Variants in OTUD7B observed in about 807,000 individuals in gnomAD.
The protein encoded by OTUD7B is OTU deubiquitinase 7B.
Under a neutral mutation model 82.2 loss-of-function variants are expected in OTUD7B, and 34 were observed. That is an observed-to-expected ratio of 0.41 (90% CI 0.31 to 0.55). The LOEUF is 0.55. Ranked by LOEUF, OTUD7B falls within the 20% of genes least tolerant of loss-of-function variation. The pLI, the probability that OTUD7B is intolerant of heterozygous loss-of-function variation, is 0.20. For synonymous variants in OTUD7B, 398 were observed against 402.7 expected, an observed-to-expected ratio of 0.99 and a Z score of 0.14; for missense variants, 944 against 1,062.1, an observed-to-expected ratio of 0.89 and a Z score of 1.55.
the OTUD7B span, among the ~76,000 whole-genome samples, chr1:150,037,130 G>A: frequency 5.3e-5 from 8 of 152,152 alleles, no homozygotes; most frequent in Middle Eastern, 3.4e-3. Flanking sequence ...GATACAGTCC[G>A]GTCAACTCAG....
chr1:149,971,227 G>A lies in OTUD7B; in HGVS notation c.110C>T (p.Ala37Val). Reference sequence around the variant, plus strand: ...ACGTAGCTGTTCAAAATCACTGAGGGCGGCATTCACATCCCAATTCTTTCC... The same window carrying A: ...ACGTAGCTGTTCAAAATCACTGAGGACGGCATTCACATCCCAATTCTTTCC... Reference protein sequence around the residue: ...LEGKNWDVNAALSDFEQLRQV... With the variant: ...LEGKNWDVNAVLSDFEQLRQV... The change falls in exon 3 of 12, where the codon GCC becomes GTC. Residue 37 changes from alanine (A) to valine (V), a missense_variant. Physicochemically the swap from Ala to Val is moderately conservative, Grantham distance 64 (BLOSUM62 0). This residue lies in a region of OTUD7B where 530 missense variants were observed against 625.6 expected (regional missense o/e 0.85). Transcript: ENST00000581312. The A allele has an allele frequency of 6.2e-7, 1 of 1,611,112 alleles. No homozygotes were observed. The highest frequency in any genetic ancestry group is 2.2e-5 in the East Asian group (1 of 44,818).
chr1:149,974,930 T>C (rs1194096166), intron 2 of OTUD7B, among the ~76,000 whole-genome samples: 2 of 151,792 alleles, frequency 1.3e-5, no homozygotes, highest in African/African-American at 2.4e-5. Flanking sequence ...CTGGGCTTAA[T>C]TAAGCGACCG....
chr1:149,961,806 T>C (rs1354292476), intron 6 of OTUD7B: 1 of 152,224 alleles, frequency 6.6e-6, no homozygotes, highest in African/African-American at 2.4e-5. Context: ...TCAATAAACA[T>C]ATGCTAAGTG....
the OTUD7B span, among the ~76,000 whole-genome samples, chr1:150,033,968 C>A: frequency 4.6e-5 from 7 of 152,148 alleles, no homozygotes; most frequent in South Asian, 2.1e-4. Flanking sequence ...GATCCGCCCA[C>A]CTCAGCCTCC....
chr1:150,051,983 T>TA, the OTUD7B span, among the ~76,000 whole-genome samples: 1 of 152,196 alleles, frequency 6.6e-6, no homozygotes, highest in African/African-American at 2.4e-5. Flanking sequence ...CTCTTCATGT[T>TA]AAAAACTCTC....
chr1:150,026,139 T>C, the OTUD7B span, among the ~76,000 whole-genome samples: 7 of 152,350 alleles, frequency 4.6e-5, no homozygotes, highest in African/African-American at 1.7e-4. Context: ...GCATGACCCT[T>C]CAGTTTAAGA....
the OTUD7B span, among the ~76,000 whole-genome samples, chr1:150,051,541 T>C: frequency 6.6e-6 from 1 of 152,152 alleles, no homozygotes; most frequent in Non-Finnish European, 1.5e-5. Context: ...AAAGGATGTG[T>C]ACAAAAATAT....
At chr1:149,954,684 T>C (rs1195300591) in intron 7 of OTUD7B, among the ~76,000 whole-genome samples, 1 of 152,168 alleles carries the variant, frequency 6.6e-6, no homozygotes, top group Non-Finnish European at 1.5e-5. Flanking sequence ...TCTTGGACTT[T>C]TTATGGTTGG....
the OTUD7B span, among the ~76,000 whole-genome samples, chr1:150,027,860 C>T: frequency 4.0e-5 from 6 of 151,776 alleles, no homozygotes; most frequent in African/African-American, 1.5e-4. Context: ...AAAAAACTGA[C>T]TAATTTGGTG....
intron 3 of OTUD7B, among the ~76,000 whole-genome samples, chr1:149,969,797 G>A (rs1284476728): frequency 1.3e-5 from 2 of 152,088 alleles, no homozygotes; most frequent in Admixed American, 1.3e-4. Flanking sequence ...TGCCTCCTGG[G>A]CTTAAGCAAG....
Position 149,971,098 on chromosome 1 carries a change from C to A in OTUD7B, c.239G>T (p.Arg80Leu), listed in dbSNP as rs1030113784. 2 of 1,612,104 alleles carry A rather than the reference C, an allele frequency of 1.2e-6. No individual in the cohort carries two copies. ...GTCATCCTGCCGCTGGAGGATGGGT[C>A]GGGGAGGGCGAGTAGGCTCTCTGTC... ...FSDREPTRPP[R>L]PILQRQDDIV... Residue 80 changes from arginine (R) to leucine (L), a missense_variant, in exon 3 of 12, where the codon CGA becomes CTA. Arg to Leu is a moderately radical substitution (Grantham distance 102). This residue lies in a region of OTUD7B where 530 missense variants were observed against 625.6 expected (regional missense o/e 0.85). Coordinates refer to ENST00000581312, the MANE Select transcript of OTUD7B (RefSeq NM_020205.4).
chr1:150,039,979 A>G, the OTUD7B span, among the ~76,000 whole-genome samples: 1 of 152,034 alleles, frequency 6.6e-6, no homozygotes, highest in South Asian at 2.1e-4. Flanking sequence ...ACTCATTTCT[A>G]TGTTTCTTTT....
At chr1:149,954,381 C>G (rs1384280380) in intron 7 of OTUD7B, among the ~76,000 whole-genome samples, 1 of 152,034 alleles carries the variant, frequency 6.6e-6, no homozygotes, top group Admixed American at 6.6e-5. Context: ...CCAGCCTTGC[C>G]TCCCAGGGAT....
At chr1:150,058,297 A>G in the OTUD7B span, among the ~76,000 whole-genome samples, 3 of 152,198 alleles carry the variant, frequency 2.0e-5, no homozygotes, top group African/African-American at 7.2e-5. Context: ...ACTTGAGTCC[A>G]GGAGTTCGAG....
rs1559843981 is a variant in OTUD7B, at chr1:149,968,842, C to A, written c.275-1321G>T. On this transcript the variant is annotated intron_variant, in intron 3 of 11. Coordinates refer to ENST00000581312, the MANE Select transcript of OTUD7B (RefSeq NM_020205.4). ...TCTCCTGCCTCAGCCTTCTGAGTAG[C>A]TAGGATTACAGGCACACGCCACCAC... Among the ~76,000 whole-genome samples, 6 of 152,166 alleles carry A rather than the reference C, an allele frequency of 3.9e-5. No individual in the cohort carries two copies. In the South Asian group the frequency reaches 1.2e-3, roughly 32 times the overall value.
intron 1 of OTUD7B, among the ~76,000 whole-genome samples, chr1:149,995,860 A>G (rs139341044): frequency 6.6e-6 from 1 of 152,352 alleles, no homozygotes; most frequent in African/African-American, 2.4e-5. Context: ...AAGCTAAAGA[A>G]TAAACCTAGA....
At chr1:149,989,334 G>A (rs911827040) in intron 1 of OTUD7B, among the ~76,000 whole-genome samples, 42 of 151,970 alleles carry the variant, frequency 2.8e-4, no homozygotes, top group African/African-American at 6.3e-4. Flanking sequence ...TTAGCCAGGC[G>A]TGGTGGTGGG....
intron 2 of OTUD7B, among the ~76,000 whole-genome samples, chr1:149,975,883 T>C (rs1414996085): frequency 6.6e-6 from 1 of 152,048 alleles, no homozygotes; most frequent in African/African-American, 2.4e-5. Context: ...TAGCCGGGCA[T>C]GGTGGCGCGC....
At chr1:149,945,431 G>T (rs774323153) in intron 11 of OTUD7B, among the ~76,000 whole-genome samples, 22 of 152,256 alleles carry the variant, frequency 1.4e-4, no homozygotes, top group African/African-American at 2.4e-4. Flanking sequence ...CATATGATAC[G>T]TGGCTTCCGG....
Sources: allele counts gnomAD v4.1 joint callset (sites outside exome capture counted in the v4.1 genomes callset), GRCh38; gene constraint gnomAD v4.1.1; regional missense constraint gnomAD v4.1.1; transcripts MANE v1.5; gene names NCBI Gene and HGNC (gene_info 2026-07-23, HGNC 2026-07-21).